The following GPC6 variants were observed in gnomAD, a reference collection of about 807,000 sequenced individuals.
The protein encoded by GPC6 is glypican 6.
A neutral mutation model predicts 55.2 loss-of-function variants in GPC6; 14 were observed. That is an observed-to-expected ratio of 0.25 (90% CI 0.17 to 0.40). The LOEUF (loss-of-function observed/expected upper bound fraction) is 0.40, where lower values mean the gene tolerates loss of function less well. Ranked by LOEUF, GPC6 falls within the 10% of genes least tolerant of loss-of-function variation. The pLI is 1.00. For synonymous variants in GPC6, 278 were observed against 259.6 expected (o/e 1.07, Z -0.68); for missense variants, 641 against 708.5 (o/e 0.90, Z 1.08).
chr13:93,831,597 T>C (rs1368352071), intron 3 of GPC6, among the ~76,000 whole-genome samples: 1 of 151,698 alleles, frequency 6.6e-6, no homozygotes, highest in Non-Finnish European at 1.5e-5. Context: ...AATATTTACA[T>C]CCTAGCATAA....
intron 4 of GPC6, among the ~76,000 whole-genome samples, chr13:94,152,976 G>A (rs1457648196): frequency 6.6e-6 from 1 of 152,062 alleles, no homozygotes; most frequent in Non-Finnish European, 1.5e-5. Context: ...AATTTAAAAA[G>A]CTAAATTTTG....
intron 3 of GPC6, among the ~76,000 whole-genome samples, chr13:93,839,305 A>G (rs1021728406): frequency 6.6e-6 from 1 of 152,130 alleles, no homozygotes; most frequent in African/African-American, 2.4e-5. Context: ...GCCACAAGAT[A>G]CACACCAAAA....
rs535942854 is a variant in GPC6, at chr13:93,593,454, A to G, written c.319+48033A>G. Among the ~76,000 whole-genome samples the G allele has an allele frequency of 1.6e-3, 251 of 152,286 alleles. 2 individuals are homozygous for G. The highest frequency in any genetic ancestry group is 2.7e-3 in the Non-Finnish European group (185 of 67,978). On this transcript the variant is annotated intron_variant, in intron 2 of 8. Transcript: ENST00000377047. ...TGCAAAACTAACAGTTCAAGCTTCA[A>G]TTATTTGTTGAATGTAAGTTATTCA...
chr13:93,863,532 C>T (rs1292571573), intron 3 of GPC6, among the ~76,000 whole-genome samples: 1 of 151,638 alleles, frequency 6.6e-6, no homozygotes, highest in East Asian at 2.0e-4. Flanking sequence ...TAAGCATATT[C>T]TTCACACATT....
intron 2 of GPC6, among the ~76,000 whole-genome samples, chr13:93,665,488 GTA>G (rs1409801342): frequency 5.3e-5 from 8 of 152,230 alleles, no homozygotes; most frequent in African/African-American, 1.9e-4. Flanking sequence ...CTGTGTGTGT[GTA>G]TGTGTGTGTG....
intron 2 of GPC6, among the ~76,000 whole-genome samples, chr13:93,613,096 G>A (rs929167105): frequency 6.6e-6 from 1 of 152,096 alleles, no homozygotes; most frequent in African/African-American, 2.4e-5. Context: ...TTTCAAAGGA[G>A]CTGCCAGTGA....
intron 3 of GPC6, among the ~76,000 whole-genome samples, chr13:93,996,742 A>G (rs770651480): frequency 6.6e-6 from 1 of 152,164 alleles, no homozygotes; most frequent in Non-Finnish European, 1.5e-5. Flanking sequence ...TTCAAAGACT[A>G]TGAGCTCATT....
At chr13:93,631,279 T>C (rs9584146) in intron 2 of GPC6, among the ~76,000 whole-genome samples, 70,275 of 151,504 alleles carry the variant, frequency 0.46, 18,187 homozygotes, top group Middle Eastern at 0.61. Context: ...TCCTCCCTGC[T>C]GCAAATGGCA....
chr13:93,470,801 T>TC (rs1879082976), intron 1 of GPC6, among the ~76,000 whole-genome samples: 1 of 152,272 alleles, frequency 6.6e-6, no homozygotes, highest in African/African-American at 2.4e-5. Flanking sequence ...TCCTTTTTTT[T>TC]CAAAATCAAT....
At chr13:94,359,886 A>G (rs1878975882) in intron 6 of GPC6, among the ~76,000 whole-genome samples, 1 of 152,244 alleles carries the variant, frequency 6.6e-6, no homozygotes, top group Non-Finnish European at 1.5e-5. Context: ...GTACAATGTA[A>G]TAGGAAAATG....
rs533514614 is a variant in GPC6, at chr13:94,272,748, A to G, written c.878-13601A>G. Among the ~76,000 whole-genome samples, 460 of 152,172 alleles carry G rather than the reference A, an allele frequency of 3.0e-3. 4 individuals are homozygous for G. The highest frequency in any genetic ancestry group is 4.3e-3 in the Admixed American group (66 of 15,278). On this transcript the variant is annotated intron_variant, in intron 4 of 8. Transcript: ENST00000377047. ...CTCCCAAAGTGCTGGGATTACAGGC[A>G]TGAGACACCACGCCTGGCCCTGGTC...
intron 1 of GPC6, among the ~76,000 whole-genome samples, chr13:93,471,212 C>A (rs896012611): frequency 4.6e-5 from 7 of 151,904 alleles, no homozygotes; most frequent in African/African-American, 1.7e-4. Context: ...GGTCTCTCTT[C>A]TTTTCTTATA....
chr13:93,432,921 T>G (rs73552665), intron 1 of GPC6, among the ~76,000 whole-genome samples: 36,810 of 145,848 alleles, frequency 0.25, 4,467 homozygotes, highest in Middle Eastern at 0.3. Flanking sequence ...GGGAGAGAGA[T>G]AGAATAGGAG....
intron 4 of GPC6, among the ~76,000 whole-genome samples, chr13:94,056,496 A>G (rs752263561): frequency 5.3e-5 from 8 of 152,178 alleles, no homozygotes; most frequent in Non-Finnish European, 1.0e-4. Flanking sequence ...CTCTTCCCTT[A>G]CAGACTAGGC....
intron 1 of GPC6, among the ~76,000 whole-genome samples, chr13:93,461,895 A>G (rs532999748): frequency 7.6e-4 from 116 of 152,298 alleles, no homozygotes; most frequent in African/African-American, 2.7e-3. Flanking sequence ...CTGGGCACAC[A>G]GTTGGTGCAG....
intron 3 of GPC6, among the ~76,000 whole-genome samples, chr13:93,953,693 C>A (rs952282758): frequency 1.3e-5 from 2 of 152,104 alleles, no homozygotes; most frequent in Non-Finnish European, 2.9e-5. Flanking sequence ...ATAAGTATCA[C>A]CTTGGCCAGA....
chr13:93,988,622 G>C lies in GPC6; in HGVS notation c.712-39107G>C, dbSNP rs562032740. Among the ~76,000 whole-genome samples the C allele has an allele frequency of 2.6e-5, 4 of 152,166 alleles. No homozygotes were observed. In the East Asian group the frequency reaches 5.8e-4, roughly 22 times the overall value. Reference sequence around the variant, plus strand: ...TTTTCTGTGTTCTCATATGGCGGAAGGGGGAGCAAGCTATCTCTGGGGTCT... The same window carrying C: ...TTTTCTGTGTTCTCATATGGCGGAACGGGGAGCAAGCTATCTCTGGGGTCT... On this transcript the variant is annotated intron_variant, in intron 3 of 8. Coordinates refer to ENST00000377047, the MANE Select transcript of GPC6 (RefSeq NM_005708.5).
At chr13:94,005,862 T>A (rs1400984864) in intron 3 of GPC6, among the ~76,000 whole-genome samples, 1 of 152,202 alleles carries the variant, frequency 6.6e-6, no homozygotes, top group East Asian at 1.9e-4. Flanking sequence ...GAGGGCATGA[T>A]TTATTTCTGA....
chr13:93,328,366 G>GTT (rs1049630327), intron 1 of GPC6, among the ~76,000 whole-genome samples: 3 of 152,052 alleles, frequency 2.0e-5, no homozygotes, highest in African/African-American at 7.2e-5. Context: ...TTGTCTTAAT[G>GTT]TTTTTGCTCA....
Sources: gnomAD v4.1 joint callset for allele counts (sites outside exome capture counted in the v4.1 genomes callset) on GRCh38, gnomAD v4.1.1 for gene constraint, MANE v1.5 for transcripts, NCBI Gene and HGNC (gene_info 2026-07-23, HGNC 2026-07-21) for gene names.